The following NBAS variants were observed in gnomAD, a reference collection of about 807,000 sequenced individuals.
NBAS encodes the protein NAG/BC035112 fusion.
A neutral mutation model predicts 302.5 loss-of-function variants in NBAS; 219 were observed. The observed-to-expected ratio is 0.72, with a 90% CI of 0.65 to 0.81. The LOEUF (loss-of-function observed/expected upper bound fraction) is 0.81, where lower values mean the gene tolerates loss of function less well. Ranked by LOEUF, NBAS falls within the 30% of genes least tolerant of loss-of-function variation. The pLI, the probability that NBAS is intolerant of heterozygous loss-of-function variation, is 0.00. For synonymous variants in NBAS, 1,118 were observed against 1,021.6 expected (o/e 1.09, Z -1.80); for missense variants, 2,932 against 2,841.6 (o/e 1.03, Z -0.72).
the NBAS span, among the ~76,000 whole-genome samples, chr2:15,034,928 T>C: frequency 6.6e-6 from 1 of 152,000 alleles, no homozygotes; most frequent in South Asian, 2.1e-4. Flanking sequence ...GAAGAGAGGG[T>C]TGTTAGCAAA....
chr2:15,157,124 C>T, the NBAS span, among the ~76,000 whole-genome samples: 7 of 152,112 alleles, frequency 4.6e-5, no homozygotes, highest in Non-Finnish European at 8.8e-5. Context: ...TGCACCCCAC[C>T]ACACCAAGGA....
the NBAS span, among the ~76,000 whole-genome samples, chr2:15,060,556 C>G: frequency 6.6e-6 from 1 of 152,132 alleles, no homozygotes; most frequent in East Asian, 1.9e-4. Flanking sequence ...GCCTCCTGCT[C>G]AGGACTCAGT....
rs1005801964 is a variant in NBAS, at chr2:15,536,267, G to T, written c.647+151C>A. 3.6e-6 allele frequency: 3 copies of T among 834,180 alleles called. No individual in the cohort carries two copies. The African/African-American group carries it at 5.2e-5, about 14-fold the overall frequency. The allele number at this position is 834,180 out of a possible 1,614,324, so 51.7% of individuals were successfully genotyped here. On this transcript the variant is annotated intron_variant, in intron 8 of 51. Transcript: ENST00000281513. Reference sequence around the variant, plus strand: ...TGTAGAACCCAAGTGGAAGTAATGGGTGTTCACCACACCACTCTTTCAAAT... The same window carrying T: ...TGTAGAACCCAAGTGGAAGTAATGGTTGTTCACCACACCACTCTTTCAAAT...
the NBAS span, among the ~76,000 whole-genome samples, chr2:15,000,594 G>A: frequency 6.6e-6 from 1 of 152,318 alleles, no homozygotes; most frequent in Middle Eastern, 3.4e-3. Flanking sequence ...ACCTCCTGTG[G>A]ACTCAGCTGC....
intron 35 of NBAS, among the ~76,000 whole-genome samples, chr2:15,334,439 C>G (rs575595834): frequency 6.6e-6 from 1 of 152,110 alleles, no homozygotes; most frequent in African/African-American, 2.4e-5. Flanking sequence ...CCGCCCGCCT[C>G]GGCCTCCCAA....
intron 32 of NBAS, among the ~76,000 whole-genome samples, chr2:15,362,715 A>T (rs779205857): frequency 5.9e-5 from 9 of 152,224 alleles, no homozygotes; most frequent in Non-Finnish European, 1.2e-4. Flanking sequence ...AATACATTAA[A>T]TTAAAAATGA....
chr2:15,460,494 T>G (rs1174650516), intron 21 of NBAS, among the ~76,000 whole-genome samples: 1 of 152,224 alleles, frequency 6.6e-6, no homozygotes, highest in Non-Finnish European at 1.5e-5. Flanking sequence ...AAGCAAGGTA[T>G]GCTAAGCCCT....
At chr2:15,258,889 T>A (rs940984131) in intron 44 of NBAS, among the ~76,000 whole-genome samples, 1 of 152,164 alleles carries the variant, frequency 6.6e-6, no homozygotes, top group African/African-American at 2.4e-5. Context: ...CCTTTTGAAG[T>A]CCTTAATAAA....
intron 21 of NBAS, among the ~76,000 whole-genome samples, chr2:15,456,692 A>T (rs1679262164): frequency 6.6e-6 from 1 of 152,244 alleles, no homozygotes; most frequent in South Asian, 2.1e-4. Flanking sequence ...TGTCCATTGG[A>T]GCTGCTATTT....
the NBAS span, among the ~76,000 whole-genome samples, chr2:15,020,286 G>T: frequency 6.6e-6 from 1 of 152,224 alleles, no homozygotes; most frequent in African/African-American, 2.4e-5. Flanking sequence ...CAGGTGCATA[G>T]AATTTTTGAG....
rs1277543082 is a variant in NBAS, at chr2:15,340,576, G to A, written c.4180-9811C>T. Among the ~76,000 whole-genome samples the A allele has an allele frequency of 5.9e-5, 9 of 152,268 alleles. No individual in the cohort carries two copies. In the East Asian group the frequency reaches 1.4e-3, roughly 23 times the overall value. On this transcript the variant is annotated intron_variant, in intron 35 of 51. Transcript: ENST00000281513. ...ACATTCAAGTCCGGAACTCAGAAGA[G>A]AGGTCAGGGCTAGAGCTATTAAGCA...
At chr2:14,966,777 A>G in the NBAS span, among the ~76,000 whole-genome samples, 1 of 152,202 alleles carries the variant, frequency 6.6e-6, no homozygotes, top group African/African-American at 2.4e-5. Flanking sequence ...TCTATTCAGT[A>G]TCATATCAGA....
chr2:14,785,530 G>T, the NBAS span, among the ~76,000 whole-genome samples: 1 of 152,270 alleles, frequency 6.6e-6, no homozygotes, highest in Middle Eastern at 3.4e-3. Flanking sequence ...TTAGCATGAA[G>T]GGCTGTTGAA....
the NBAS span, among the ~76,000 whole-genome samples, chr2:15,107,407 A>G: frequency 6.6e-6 from 1 of 152,124 alleles, no homozygotes; most frequent in East Asian, 1.9e-4. Flanking sequence ...TAAGCTGCCC[A>G]GTCTGTGGTA....
At chr2:14,825,409 C>A in the NBAS span, among the ~76,000 whole-genome samples, 1 of 152,208 alleles carries the variant, frequency 6.6e-6, no homozygotes, top group East Asian at 1.9e-4. Context: ...TGATGGTTAA[C>A]TTGCCCCAGT....
At chr2:15,520,703 T>C (rs1313678636) in intron 9 of NBAS, among the ~76,000 whole-genome samples, 2 of 152,238 alleles carry the variant, frequency 1.3e-5, no homozygotes, top group African/African-American at 4.8e-5. Flanking sequence ...GAATTTCATA[T>C]GATTTTCATG....
Position 15,468,381 on chromosome 2 carries a change from C to A in NBAS, c.1877+1G>T, listed in dbSNP as rs1679815045. ...TGAATCCAATTCTTTCTGTAACCAA[C>A]CTGCCATCATCTGCTCCTTTCCCTA... On this transcript the variant is annotated splice_donor_variant, in intron 17 of 51. Coordinates refer to ENST00000281513, the MANE Select transcript of NBAS (RefSeq NM_015909.4). LOFTEE classifies it high-confidence loss of function. 6.2e-7 allele frequency: 1 copy of A among 1,614,004 alleles called. No individual in the cohort carries two copies. The highest frequency in any genetic ancestry group is 1.3e-5 in the African/African-American group (1 of 75,026).
chr2:15,085,629 G>A, the NBAS span, among the ~76,000 whole-genome samples: 61 of 152,266 alleles, frequency 4.0e-4, no homozygotes, highest in Admixed American at 1.8e-3. Context: ...GCCCTCCTGA[G>A]CACAGCTGCA....
chr2:15,172,071 A>G (rs1284398407), intron 51 of NBAS, among the ~76,000 whole-genome samples: 1 of 152,244 alleles, frequency 6.6e-6, no homozygotes, highest in East Asian at 1.9e-4. Context: ...ATGTAAGCAC[A>G]ACCACATAAT....
Sources: allele counts gnomAD v4.1 joint callset (sites outside exome capture counted in the v4.1 genomes callset), GRCh38; gene constraint gnomAD v4.1.1; transcripts MANE v1.5; gene names NCBI Gene and HGNC (gene_info 2026-07-23, HGNC 2026-07-21).